TRMT10B: variants seen among roughly 807,000 people sequenced by gnomAD.
TRMT10B encodes tRNA methyltransferase 10 homolog B.
A neutral mutation model predicts 43.8 loss-of-function variants in TRMT10B; 33 were observed. That is an observed-to-expected ratio of 0.75 (90% CI 0.57 to 1.01). The LOEUF (loss-of-function observed/expected upper bound fraction) is 1.01. Among genes scored for constraint, TRMT10B ranks in the 50% least tolerant of loss-of-function variants. TRMT10B has a pLI of 0.00. For synonymous variants in TRMT10B, 137 were observed against 130.6 expected (o/e 1.05, Z -0.34); for missense variants, 362 against 369.8 (o/e 0.98, Z 0.17).
intron 8 of TRMT10B, among the ~76,000 whole-genome samples, chr9:37,777,015 G>C (rs2118945170): frequency 6.6e-6 from 1 of 151,178 alleles, no homozygotes; most frequent in African/African-American, 2.4e-5. Context: ...CCAACATGGA[G>C]AAACACCGTC....
In TRMT10B at chr9:37,762,735, C is replaced by T. The variant is rs754069128; in HGVS notation, c.295+50C>T. The T allele has an allele frequency of 6.2e-5, 95 of 1,523,728 alleles. No individual in the cohort carries two copies. In the Admixed American group the frequency reaches 1.3e-3, roughly 21 times the overall value. The allele number at this position is 1,523,728 out of a possible 1,614,324, so 94.4% of individuals were successfully genotyped here. A position where few individuals can be genotyped will look rare whatever the true frequency, so the allele number is the denominator to read the frequency against. On this transcript the variant is annotated intron_variant, in intron 3 of 8. Transcript: ENST00000297994. ...ATAATAATATTTATTTTTTAGCAAA[C>T]GTGTCTGCATGTTCCAATGAGAGTA...
In TRMT10B at chr9:37,756,410, T is replaced by TAA. The variant is rs10709633; in HGVS notation, c.-30+2570_-30+2571dup. 5.5e-4 allele frequency among the ~76,000 whole-genome samples: 81 copies of TAA among 148,088 alleles called. 1 individual carries two copies. Among genetic ancestry groups the TAA allele is most frequent in the African/African-American group, 1.7e-3 (69 of 40,438 alleles). On this transcript the variant is annotated intron_variant, in intron 1 of 8. Coordinates refer to ENST00000297994, the MANE Select transcript of TRMT10B (RefSeq NM_144964.4). ...AATGGGGGTCTAGATATCTTTTGTT[T>TAA]AAAAAAAAAAAAATGGCTGGGTGCG... is the stretch of plus-strand genomic sequence containing the variant.
chr9:37,770,035 C>A lies in TRMT10B; in HGVS notation c.652+16C>A. 6.3e-7 allele frequency: 1 copy of A among 1,598,132 alleles called. No homozygotes were observed. Among genetic ancestry groups the A allele is most frequent in the African/African-American group, 1.3e-5 (1 of 74,704 alleles). Reference sequence around the variant, plus strand: ...TCAGAACACGGTATGTAGTTGAATGCATGGATTCGTATAGCCCATTGTTCC... The same window carrying A: ...TCAGAACACGGTATGTAGTTGAATGAATGGATTCGTATAGCCCATTGTTCC... On this transcript the variant is annotated intron_variant, in intron 6 of 8. Transcript: ENST00000297994.
intron 7 of TRMT10B, among the ~76,000 whole-genome samples, chr9:37,774,818 C>T (rs1433184143): frequency 3.3e-5 from 5 of 152,196 alleles, no homozygotes; most frequent in Non-Finnish European, 7.3e-5. Context: ...AGACCATACT[C>T]ATGATGGCCA....
chr9:37,771,564 T>TA (rs1462448970), intron 7 of TRMT10B, among the ~76,000 whole-genome samples: 1 of 152,216 alleles, frequency 6.6e-6, no homozygotes, highest in African/African-American at 2.4e-5. Flanking sequence ...CATGACTCCA[T>TA]AGTGATCATC....
intron 7 of TRMT10B, 151 bp downstream of exon 7, chr9:37,770,890 G>A: frequency 2.9e-6 from 2 of 681,134 alleles, no homozygotes; most frequent in Non-Finnish European, 4.6e-6. Flanking sequence ...CCTCTGGCTG[G>A]TGAAGTTCCC....
chr9:37,777,820 A>G lies in TRMT10B; in HGVS notation c.*113A>G, dbSNP rs1828350677. 1.3e-6 allele frequency: 1 copy of G among 755,538 alleles called. No homozygotes were observed. The highest frequency in any genetic ancestry group is 2.2e-6 in the Non-Finnish European group (1 of 449,082). 46.8% of individuals were successfully genotyped at this position (755,538 alleles called of 1,614,324 possible). A position where few individuals can be genotyped will look rare whatever the true frequency, so the allele number is the denominator to read the frequency against. ...CAGGAGTTCACGACCAGCCTGGCCA[A>G]CATGGTGAAACCCTTCTCTACTGAA... On this transcript the variant is annotated 3_prime_UTR_variant, in exon 9 of 9. Coordinates refer to ENST00000297994, the MANE Select transcript of TRMT10B (RefSeq NM_144964.4).
chr9:37,761,642 G>A lies in TRMT10B; in HGVS notation c.-29-261G>A, dbSNP rs143572440. 1.4e-4 allele frequency among the ~76,000 whole-genome samples: 21 copies of A among 152,306 alleles called. No homozygotes were observed. In the East Asian group the frequency reaches 3.7e-3, roughly 27 times the overall value. ...GAATTCAGGAGGCAGAGGTTGCAGT[G>A]AGCCAAGATCACACCATTGTACTCC... On this transcript the variant is annotated intron_variant, in intron 1 of 8. Coordinates refer to ENST00000297994, the MANE Select transcript of TRMT10B (RefSeq NM_144964.4).
At chr9:37,758,077 A>G (rs1297758794) in intron 1 of TRMT10B, among the ~76,000 whole-genome samples, 1 of 152,224 alleles carries the variant, frequency 6.6e-6, no homozygotes, top group Non-Finnish European at 1.5e-5. Flanking sequence ...CTAGGACACT[A>G]GCCATCTCTA....
chr9:37,775,640 C>T (rs1381791968), intron 7 of TRMT10B, among the ~76,000 whole-genome samples: 2 of 152,128 alleles, frequency 1.3e-5, no homozygotes, highest in Non-Finnish European at 2.9e-5. Context: ...CTCAAGTGAT[C>T]ATCCAACTTC....
chr9:37,755,135 G>A (rs1293462679), intron 1 of TRMT10B, among the ~76,000 whole-genome samples: 1 of 152,188 alleles, frequency 6.6e-6, no homozygotes, highest in African/African-American at 2.4e-5. Flanking sequence ...AGCCGGACAT[G>A]GTGGCGGGTG....
At chr9:37,768,301 C>G in intron 5 of TRMT10B, 73 bp downstream of exon 5, 1 of 1,427,608 alleles carries the variant, frequency 7.0e-7, no homozygotes, top group East Asian at 2.3e-5. Flanking sequence ...TTTTTTTTTA[C>G]TTTTTCATAT....
chr9:37,762,090 G>A lies in TRMT10B; in HGVS notation c.159G>A (p.Leu53=). Residue 53 remains leucine (L), a synonymous_variant, in exon 2 of 9, where the codon CTG becomes CTA. Transcript: ENST00000297994. ...GCGAGTGCCAGGAGGGAGAGATCCTGGCCACAGGCAGTACGGCATGGTGCT... is the reference window on the plus strand; with the variant it reads ...GCGAGTGCCAGGAGGGAGAGATCCTAGCCACAGGCAGTACGGCATGGTGCT... ...AEGECQEGEI[L]ATGSTAWCSK... 6.2e-7 allele frequency: 1 copy of A among 1,614,022 alleles called. No homozygotes were observed. The highest frequency in any genetic ancestry group is 8.5e-7 in the Non-Finnish European group (1 of 1,179,942).
At position 37,777,812 on chromosome 9, in the gene TRMT10B, C is replaced by T; in HGVS notation, c.*105C>T. The T allele has an allele frequency of 1.2e-6, 1 of 862,514 alleles. No homozygotes were observed. The highest frequency in any genetic ancestry group is 1.9e-6 in the Non-Finnish European group (1 of 533,516). The allele number at this position is 862,514 out of a possible 1,614,324, so 53.4% of individuals were successfully genotyped here. On this transcript the variant is annotated 3_prime_UTR_variant, in exon 9 of 9. Transcript: ENST00000297994. ...CCTGAGGTCAGGAGTTCACGACCAG[C>T]CTGGCCAACATGGTGAAACCCTTCT...
chr9:37,777,550 G>C, intron 8 of TRMT10B, 51 bp from the exon 9 acceptor site: 2 of 1,414,652 alleles, frequency 1.4e-6, no homozygotes, highest in African/African-American at 2.8e-5. Flanking sequence ...TCATTTACTC[G>C]TTCTTTTTTT....
intron 5 of TRMT10B, chr9:37,769,582 T>G: frequency 4.6e-6 from 1 of 215,918 alleles, no homozygotes; most frequent in Non-Finnish European, 9.4e-6. Flanking sequence ...GATAGAAACT[T>G]GAAGCCCAGT....
At position 37,762,104 on chromosome 9, in the gene TRMT10B, C is replaced by T. The variant is rs753380610; in HGVS notation, c.173C>T (p.Thr58Met). The T allele has an allele frequency of 2.4e-5, 38 of 1,613,272 alleles. No individual in the cohort carries two copies. The highest frequency in any genetic ancestry group is 1.2e-4 in the African/African-American group (9 of 74,928). ...QEGEILATGS[T>M]AWCSKNVQRK... Reference sequence around the variant, plus strand: ...GGAGAGATCCTGGCCACAGGCAGTACGGCATGGTGCTCGGTGAGTGCGTGA... The same window carrying T: ...GGAGAGATCCTGGCCACAGGCAGTATGGCATGGTGCTCGGTGAGTGCGTGA... Residue 58 changes from threonine to methionine, a missense_variant, in exon 2 of 9, where the codon ACG becomes ATG. Thr to Met is a moderately conservative substitution (Grantham distance 81). Coordinates refer to ENST00000297994, the MANE Select transcript of TRMT10B (RefSeq NM_144964.4).
At chr9:37,766,577 C>T (rs1827007186) in intron 4 of TRMT10B, among the ~76,000 whole-genome samples, 1 of 152,124 alleles carries the variant, frequency 6.6e-6, no homozygotes, top group Non-Finnish European at 1.5e-5. Flanking sequence ...TCTTTGGTTC[C>T]ATATGAACTT....
intron 5 of TRMT10B, 143 bp downstream of exon 5, chr9:37,768,371 T>C (rs1323010402): frequency 2.2e-6 from 2 of 929,120 alleles, no homozygotes; most frequent in Admixed American, 2.9e-5. Flanking sequence ...AGTTCTTAAA[T>C]TTAAAATTTT....
Sources: allele counts gnomAD v4.1 joint callset (sites outside exome capture counted in the v4.1 genomes callset), GRCh38; gene constraint gnomAD v4.1.1; transcripts MANE v1.5; gene names NCBI Gene and HGNC (gene_info 2026-07-23, HGNC 2026-07-21).